Variants in TMEM220 observed in about 807,000 individuals in gnomAD.
TMEM220 encodes the protein transmembrane protein 220.
In TMEM220, 21 loss-of-function variants were observed where a neutral mutation model predicts 21.7. The ratio of observed to expected loss-of-function variants is 0.97; its 90% confidence interval spans 0.69 to 1.39. The LOEUF (loss-of-function observed/expected upper bound fraction) is 1.39. Among genes scored for constraint, TMEM220 ranks in the 40% most tolerant of loss-of-function variants. TMEM220 has a pLI of 0.00. For missense variants in TMEM220, 191 were observed against 201.9 expected (o/e 0.95, Z 0.33); for synonymous variants, 80 against 73.6 (o/e 1.09, Z -0.45).
intron 2 of TMEM220, among the ~76,000 whole-genome samples, chr17:10,726,735 AATAATGC>A (rs1420254232): frequency 6.6e-6 from 1 of 152,206 alleles, no homozygotes; most frequent in Admixed American, 6.5e-5. Flanking sequence ...AAAGTTTTCT[AATAATGC>A]ATACACAATC....
At chr17:10,724,867 A>T in intron 4 of TMEM220, 144 bp downstream of exon 4, 1 of 1,130,428 alleles carries the variant, frequency 8.8e-7, no homozygotes, top group Non-Finnish European at 1.3e-6. Flanking sequence ...TCATCAGGTT[A>T]TAAAGAAGAT....
At position 10,729,943 on chromosome 17, in the gene TMEM220, G is replaced by A. The variant is rs904355597; in HGVS notation, c.-92C>T. ...CGGTCCGCCTTCCTCCTTGCGCGGAGGGACCGAGACCCCCGCCTCGGTTTC... is the reference window on the plus strand; with the variant it reads ...CGGTCCGCCTTCCTCCTTGCGCGGAAGGACCGAGACCCCCGCCTCGGTTTC... On this transcript the variant is annotated 5_prime_UTR_variant, in exon 1 of 6. Transcript: ENST00000341871. The A allele has an allele frequency of 5.7e-6, 7 of 1,235,246 alleles. No homozygotes were observed. Among genetic ancestry groups the A allele is most frequent in the Non-Finnish European group, 5.1e-6 (5 of 988,400 alleles). The allele number at this position is 1,235,246 out of a possible 1,614,324, so 76.5% of individuals were successfully genotyped here.
At chr17:10,715,705 TTTA>T (rs1252056035) in intron 5 of TMEM220, 117 bp from the exon 6 acceptor site, 2 of 674,814 alleles carry the variant, frequency 3.0e-6, no homozygotes, top group Non-Finnish European at 2.3e-6. Flanking sequence ...TCTCAGTTGT[TTTA>T]TTGAAATATA....
At position 10,714,562 on chromosome 17, in the gene TMEM220, T is replaced by C. The variant is rs2074886099; in HGVS notation, c.*891A>G. On this transcript the variant is annotated 3_prime_UTR_variant, in exon 6 of 6. Coordinates refer to ENST00000341871, the MANE Select transcript of TMEM220 (RefSeq NM_001004313.3). ...CCCTTTCTTTCCAAGACATGCCTGC[T>C]CATTTGATTCATCTAGAGTTCTCCT... 1 of 152,258 alleles carries C rather than the reference T, an allele frequency of 6.6e-6. No individual in the cohort carries two copies. 9.4% of individuals were successfully genotyped at this position (152,258 alleles called of 1,614,324 possible). A position where few individuals can be genotyped will look rare whatever the true frequency, so the allele number is the denominator to read the frequency against.
At chr17:10,713,237 C>CTCCA (rs1302354650), downstream of TMEM220, 1 of 146,676 alleles carries the variant, frequency 6.8e-6, no homozygotes, top group Non-Finnish European at 1.5e-5. Flanking sequence ...CGCCATTGCA[C>CTCCA]TCCAGCCTGG....
chr17:10,726,078 A>T, intron 3 of TMEM220, 126 bp downstream of exon 3: 1 of 705,820 alleles, frequency 1.4e-6, no homozygotes, highest in Non-Finnish European at 2.5e-6. Context: ...AGCCCCTTTT[A>T]TTATCAGAAA....
intron 5 of TMEM220, chr17:10,716,564 G>A: frequency 3.5e-6 from 2 of 574,392 alleles, no homozygotes; most frequent in South Asian, 1.4e-5. Context: ...CTGCACCACC[G>A]CGGTCTGCAC....
chr17:10,716,090 G>A, intron 5 of TMEM220: 1 of 790,052 alleles, frequency 1.3e-6, no homozygotes, highest in South Asian at 1.3e-5. Context: ...GTTTAATCTT[G>A]AAGTGTAATC....
Position 10,729,792 on chromosome 17 carries a change from C to T in TMEM220, c.60G>A (p.Ala20=), listed in dbSNP as rs1474298582. ...GCGGCCGCCTGACCTGCACCAAGGC[C>T]GCCAGCGCGAAGAAGGCGGCCATGA... The part of the protein sequence containing the change: ...NGLMAAFFAL[A]ALVQVNDPDA... Residue 20 remains alanine (A), a synonymous_variant, in exon 1 of 6, where the codon GCG becomes GCA. Coordinates refer to ENST00000341871, the MANE Select transcript of TMEM220 (RefSeq NM_001004313.3). The T allele has an allele frequency of 1.4e-6, 2 of 1,410,520 alleles. No individual in the cohort carries two copies. The highest frequency in any genetic ancestry group is 1.5e-5 in the South Asian group (1 of 68,592). 87.4% of individuals were successfully genotyped at this position (1,410,520 alleles called of 1,614,324 possible). A position where few individuals can be genotyped will look rare whatever the true frequency, so the allele number is the denominator to read the frequency against.
chr17:10,724,336 CT>C (rs1175632549), intron 4 of TMEM220: 1 of 152,382 alleles, frequency 6.6e-6, no homozygotes, highest in Non-Finnish European at 1.5e-5. Flanking sequence ...AATCCCAGCA[CT>C]TTGAGAGGCC....
intron 5 of TMEM220, among the ~76,000 whole-genome samples, chr17:10,717,876 TAC>T (rs2074941306): frequency 1.3e-5 from 2 of 151,840 alleles, no homozygotes; most frequent in Non-Finnish European, 2.9e-5. Context: ...CAGGCTGGAG[TAC>T]AGTGTGATGT....
At chr17:10,716,452 A>T (rs1252592270) in intron 5 of TMEM220, 2 of 676,026 alleles carry the variant, frequency 3.0e-6, no homozygotes, top group African/African-American at 3.6e-5. Flanking sequence ...AACTCCAGAA[A>T]CTCGTGGCTG....
chr17:10,715,538 A>T lies in TMEM220; in HGVS notation c.398T>A (p.Leu133His). 1 of 1,605,534 alleles carries T rather than the reference A, an allele frequency of 6.2e-7. No homozygotes were observed. The highest frequency in any genetic ancestry group is 8.5e-7 in the Non-Finnish European group (1 of 1,178,166). The change falls in exon 6 of 6, where the codon CTT becomes CAT. Residue 133 changes from leucine to histidine, a missense_variant. Physicochemically the swap from Leu to His is moderately conservative, Grantham distance 99. Coordinates refer to ENST00000341871, the MANE Select transcript of TMEM220 (RefSeq NM_001004313.3). ...GTAGACCCATGAGATAAATGGGAAA[A>T]GTGTGATTACAATGGCAATAGCCAA... Reference protein sequence around the residue: ...IQLAIAIVITLFPFISWVYIY... With the variant: ...IQLAIAIVITHFPFISWVYIY...
chr17:10,716,292 A>G (rs560425650), intron 5 of TMEM220: 11 of 670,644 alleles, frequency 1.6e-5, no homozygotes, highest in Non-Finnish European at 2.8e-5. Flanking sequence ...GCCATAACGC[A>G]TCATCCTCTT....
At chr17:10,729,681 G>T in intron 1 of TMEM220, 99 bp downstream of exon 1, 3 of 1,046,894 alleles carry the variant, frequency 2.9e-6, no homozygotes, top group Non-Finnish European at 3.7e-6. Flanking sequence ...CTAACTGTGC[G>T]CCCCTGCGAC....
chr17:10,729,227 G>A (rs778544945), intron 1 of TMEM220, among the ~76,000 whole-genome samples, 167 bp from the exon 2 acceptor site: 4 of 152,146 alleles, frequency 2.6e-5, no homozygotes, highest in Non-Finnish European at 4.4e-5. Context: ...ACGGGTGAAG[G>A]GGTTTCTGGC....
At chr17:10,711,659 A>G (rs2074854726), downstream of TMEM220, among the ~76,000 whole-genome samples, 3 of 152,204 alleles carry the variant, frequency 2.0e-5, no homozygotes, top group South Asian at 2.1e-4. Flanking sequence ...CATCCCTGTA[A>G]GAAGGGCCTC....
chr17:10,726,475 G>A (rs1047901406), intron 2 of TMEM220: 1 of 591,580 alleles, frequency 1.7e-6, no homozygotes, highest in Non-Finnish European at 3.0e-6. Context: ...CTTCCTCCTA[G>A]ACTATAGGCT....
chr17:10,716,261 G>A (rs1373911649), intron 5 of TMEM220: 5 of 758,014 alleles, frequency 6.6e-6, no homozygotes, highest in African/African-American at 1.7e-5. Context: ...AGCTCCTGCC[G>A]GCCCTCTCGG....
Sources: allele counts gnomAD v4.1 joint callset (sites outside exome capture counted in the v4.1 genomes callset), GRCh38; gene constraint gnomAD v4.1.1; transcripts MANE v1.5; gene names NCBI Gene and HGNC (gene_info 2026-07-23, HGNC 2026-07-21).